Variants in ZNF487 observed in about 807,000 individuals in gnomAD.
The protein encoded by ZNF487 is KRAB domain only 1.
ZNF487 carries 4 observed loss-of-function variants against 3.0 expected under a neutral mutation model. The ratio of observed to expected loss-of-function variants is 1.35; its 90% CI spans 0.66 to 3.08. The LOEUF is 3.08. Ranked by LOEUF, ZNF487 falls within the 30% of genes most tolerant of loss-of-function variation. ZNF487 has a pLI of 0.01. For synonymous variants in ZNF487, 55 were observed against 34.6 expected, an observed-to-expected ratio of 1.59 and a Z score of -2.06; for missense variants, 146 against 98.7, an observed-to-expected ratio of 1.48 and a Z score of -2.03.
At chr10:43,469,354 C>T (rs1840822124) in intron 1 of ZNF487, among the ~76,000 whole-genome samples, 3 of 151,916 alleles carry the variant, frequency 2.0e-5, no homozygotes, top group Admixed American at 6.6e-5. Flanking sequence ...GCACCACACC[C>T]GGCTAATTTT....
chr10:43,516,929 G>A, the ZNF487 span, among the ~76,000 whole-genome samples: 1 of 152,142 alleles, frequency 6.6e-6, no homozygotes, highest in Admixed American at 6.6e-5. Flanking sequence ...CTAGGCTGTA[G>A]TTTTCCTTCA....
chr10:43,475,800 C>G lies in ZNF487; in HGVS notation c.-14C>G, dbSNP rs11816311. ...CATCTGGACTCTGCTCAGAGGACCC[C>G]GTACAGAGACATGATGCTGGAGAAC... On this transcript the variant is annotated 5_prime_UTR_variant, in exon 2 of 4. Transcript: ENST00000437590. 0.033 allele frequency: 25,723 copies of G among 780,562 alleles called. 546 individuals are homozygous for G. Among genetic ancestry groups the G allele is most frequent in the Non-Finnish European group, 0.039 (16,508 of 417,936 alleles). 48.4% of individuals were successfully genotyped at this position (780,562 alleles called of 1,614,324 possible). A position where few individuals can be genotyped will look rare whatever the true frequency, so the allele number is the denominator to read the frequency against.
chr10:43,440,593 G>GCCTCT (rs1839563069), intron 1 of ZNF487, among the ~76,000 whole-genome samples: 3 of 151,768 alleles, frequency 2.0e-5, no homozygotes, highest in Non-Finnish European at 4.4e-5. Context: ...GGGAGGCAGA[G>GCCTCT]GCAGCAGTGA....
chr10:43,462,112 A>G (rs1282866790), intron 1 of ZNF487, among the ~76,000 whole-genome samples: 2 of 152,106 alleles, frequency 1.3e-5, no homozygotes, highest in Non-Finnish European at 2.9e-5. Context: ...TCCTCTTAAC[A>G]TGACTTTCTT....
At chr10:43,446,550 T>A (rs1839812422) in intron 1 of ZNF487, among the ~76,000 whole-genome samples, 1 of 138,646 alleles carries the variant, frequency 7.2e-6, no homozygotes, top group Non-Finnish European at 1.5e-5. Context: ...GCTCCTCACC[T>A]CCCAGACGGG....
At chr10:43,505,943 C>T in the ZNF487 span, among the ~76,000 whole-genome samples, 3 of 152,186 alleles carry the variant, frequency 2.0e-5, no homozygotes, top group East Asian at 3.8e-4. Flanking sequence ...ACACCCAGCC[C>T]ATTTTATGTT....
the ZNF487 span, among the ~76,000 whole-genome samples, chr10:43,520,147 T>C: frequency 6.6e-6 from 1 of 152,118 alleles, no homozygotes; most frequent in Non-Finnish European, 1.5e-5. Flanking sequence ...GACTATCTAA[T>C]ACCTGATTAT....
In ZNF487 at chr10:43,443,378, G is replaced by GT. The variant is rs35842181; in HGVS notation, c.-94+6129dup. Among the ~76,000 whole-genome samples the GT allele has an allele frequency of 3.1e-3, 361 of 116,196 alleles. 1 individual carries two copies. The highest frequency in any genetic ancestry group is 0.013 in the Middle Eastern group (2 of 160). The allele number at this position is 116,196 out of a possible 152,430, so 76.2% of individuals were successfully genotyped here. On this transcript the variant is annotated intron_variant, in intron 1 of 3. Transcript: ENST00000437590. ...CCTGCTGGGCCTAGTTTTTGTTTTT[G>GT]TTTTTTTTTTTTTGAGATGGAGTCT... is the stretch of plus-strand genomic sequence containing the variant.
the ZNF487 span, among the ~76,000 whole-genome samples, chr10:43,507,983 G>A: frequency 6.6e-6 from 1 of 152,232 alleles, no homozygotes; most frequent in African/African-American, 2.4e-5. Context: ...CTGTTGCTAA[G>A]GATAGTTTCA....
the ZNF487 span, among the ~76,000 whole-genome samples, chr10:43,509,505 A>C: frequency 6.7e-6 from 1 of 149,028 alleles, no homozygotes; most frequent in Non-Finnish European, 1.5e-5. Context: ...TTAAGGATTA[A>C]CTCACACAAA....
At chr10:43,481,343 A>G in intron 3 of ZNF487, 86 bp from the exon 4 acceptor site, 8 of 626,840 alleles carry the variant, frequency 1.3e-5, no homozygotes, top group East Asian at 5.5e-5. Flanking sequence ...AAAAAAAAAA[A>G]GAAAAAAAAA....
chr10:43,447,283 C>T (rs1345033810), intron 1 of ZNF487, among the ~76,000 whole-genome samples: 5 of 125,452 alleles, frequency 4.0e-5, no homozygotes, highest in African/African-American at 1.7e-4. Flanking sequence ...CGCTCTGTTG[C>T]CCAGGCTGGA....
At chr10:43,474,998 C>G (rs547617127) in intron 1 of ZNF487, among the ~76,000 whole-genome samples, 327 of 152,260 alleles carry the variant, frequency 2.1e-3, no homozygotes, top group Middle Eastern at 6.8e-3. Flanking sequence ...GCTCCTCCCC[C>G]CTGTACAAGG....
At chr10:43,446,497 G>A (rs974078242) in intron 1 of ZNF487, among the ~76,000 whole-genome samples, 1 of 149,536 alleles carries the variant, frequency 6.7e-6, no homozygotes, top group Non-Finnish European at 1.5e-5. Flanking sequence ...GCCGGGCAGA[G>A]GCGCTCCTCA....
At chr10:43,478,521 C>G (rs1031076161) in intron 3 of ZNF487, among the ~76,000 whole-genome samples, 10 of 152,078 alleles carry the variant, frequency 6.6e-5, no homozygotes, top group Non-Finnish European at 1.5e-4. Context: ...CCATTGCACT[C>G]CAGCTTGGGC....
At chr10:43,506,998 G>A in the ZNF487 span, among the ~76,000 whole-genome samples, 1 of 152,130 alleles carries the variant, frequency 6.6e-6, no homozygotes, top group African/African-American at 2.4e-5. Context: ...ATTGCTGGTG[G>A]GCTTGTGCTT....
upstream of ZNF487, chr10:43,436,867 C>G (rs552875157): frequency 4.3e-6 from 2 of 468,732 alleles, no homozygotes; most frequent in East Asian, 7.0e-5. Flanking sequence ...GACGCCCAGC[C>G]GCGGTCCCAG....
intron 1 of ZNF487, among the ~76,000 whole-genome samples, chr10:43,461,707 T>C (rs903505364): frequency 1.3e-5 from 2 of 152,208 alleles, no homozygotes; most frequent in African/African-American, 4.8e-5. Context: ...TTGTGTAAGA[T>C]TGGTGCTATT....
chr10:43,489,339 A>T, the ZNF487 span, among the ~76,000 whole-genome samples: 1 of 152,182 alleles, frequency 6.6e-6, no homozygotes, highest in African/African-American at 2.4e-5. Flanking sequence ...TTAGATACAC[A>T]TTTATTTATT....
Sources: allele counts gnomAD v4.1 joint callset (sites outside exome capture counted in the v4.1 genomes callset), GRCh38; gene constraint gnomAD v4.1.1; transcripts MANE v1.5; gene names NCBI Gene and HGNC (gene_info 2026-07-23, HGNC 2026-07-21).